The following PCDH15 variants were observed in gnomAD, a reference collection of about 807,000 sequenced individuals.
PCDH15 encodes protocadherin-15.
A neutral mutation model predicts 178.5 loss-of-function variants in PCDH15; 129 were observed. The ratio of observed to expected loss-of-function variants is 0.72; its 90% CI spans 0.63 to 0.84. The LOEUF (loss-of-function observed/expected upper bound fraction) is 0.84, where lower values mean the gene tolerates loss of function less well. Among genes scored for constraint, PCDH15 ranks in the 40% least tolerant of loss-of-function variants. The pLI is 0.00. For missense variants in PCDH15, 2,230 were observed against 2,099.9 expected (o/e 1.06, Z -1.21); for synonymous variants, 800 against 732.0 (o/e 1.09, Z -1.50).
At chr10:55,614,055 A>G (rs1274584497) in intron 2 of PCDH15, among the ~76,000 whole-genome samples, 2 of 151,816 alleles carry the variant, frequency 1.3e-5, no homozygotes, top group African/African-American at 2.4e-5. Context: ...CGGAGCTTGC[A>G]GTGAGCTGAG....
chr10:54,419,060 T>G (rs1954857105), intron 3 of PCDH15, among the ~76,000 whole-genome samples: 1 of 151,938 alleles, frequency 6.6e-6, no homozygotes, highest in African/African-American at 2.4e-5. Flanking sequence ...ATCTATTAAA[T>G]TAGAAAAGGT....
chr10:53,964,947 T>C (rs971168535), intron 21 of PCDH15, among the ~76,000 whole-genome samples: 2 of 152,156 alleles, frequency 1.3e-5, no homozygotes, highest in African/African-American at 4.8e-5. Context: ...ATAATGATAA[T>C]AACAAGAGTT....
intron 11 of PCDH15, among the ~76,000 whole-genome samples, chr10:54,191,503 A>G (rs967726396): frequency 6.6e-5 from 10 of 152,216 alleles, no homozygotes; most frequent in African/African-American, 2.4e-4. Context: ...GCCAAATGTT[A>G]TAGGTGAATT....
chr10:55,090,638 A>G (rs888361537), intron 2 of PCDH15, among the ~76,000 whole-genome samples: 2 of 152,076 alleles, frequency 1.3e-5, no homozygotes, highest in Non-Finnish European at 2.9e-5. Context: ...ACCTTATTCT[A>G]TCACCACATT....
intron 2 of PCDH15, among the ~76,000 whole-genome samples, chr10:55,465,366 A>G (rs181657330): frequency 7.4e-4 from 112 of 152,274 alleles, no homozygotes; most frequent in Middle Eastern, 3.4e-3. Context: ...CGTAAATTGC[A>G]CTGGGTGGTA....
chr10:54,357,680 C>T (rs999515746), intron 5 of PCDH15, among the ~76,000 whole-genome samples: 1 of 151,858 alleles, frequency 6.6e-6, no homozygotes, highest in African/African-American at 2.4e-5. Context: ...GTTCATATGA[C>T]ACCAAAAAAG....
chr10:55,366,933 G>GTGTGTGTA (rs1328803694), intron 2 of PCDH15, among the ~76,000 whole-genome samples: 9 of 151,862 alleles, frequency 5.9e-5, no homozygotes. Flanking sequence ...GTGTGTGTGT[G>GTGTGTGTA]TGTGTGTGTG....
At chr10:55,120,173 T>C (rs1837729886) in intron 2 of PCDH15, among the ~76,000 whole-genome samples, 1 of 152,032 alleles carries the variant, frequency 6.6e-6, no homozygotes, top group African/African-American at 2.4e-5. Flanking sequence ...TTAAACAAAA[T>C]TTAAATGAAT....
chr10:54,107,240 T>C (rs987606541), intron 15 of PCDH15, among the ~76,000 whole-genome samples: 13 of 152,362 alleles, frequency 8.5e-5, no homozygotes, highest in African/African-American at 3.1e-4. Flanking sequence ...TGATCCAAAG[T>C]ATGGCTTGAA....
intron 2 of PCDH15, among the ~76,000 whole-genome samples, chr10:55,392,967 G>T (rs1009233398): frequency 6.8e-6 from 1 of 147,166 alleles, no homozygotes; most frequent in African/African-American, 2.5e-5. Flanking sequence ...ATCAATCTAA[G>T]AACTAAAGTG....
At chr10:54,680,812 T>C (rs940355245) in intron 1 of PCDH15, among the ~76,000 whole-genome samples, 2 of 152,216 alleles carry the variant, frequency 1.3e-5, no homozygotes, top group South Asian at 2.1e-4. Context: ...GAACTGTGAG[T>C]CAATTAAACC....
intron 2 of PCDH15, among the ~76,000 whole-genome samples, chr10:54,628,381 C>A (rs1386226415): frequency 6.6e-6 from 1 of 152,158 alleles, no homozygotes; most frequent in Non-Finnish European, 1.5e-5. Context: ...TTCTCTTATT[C>A]TGGATTTTCA....
At chr10:54,859,877 A>AT (rs1953809628) in intron 3 of PCDH15, among the ~76,000 whole-genome samples, 3 of 151,824 alleles carry the variant, frequency 2.0e-5, no homozygotes, top group Admixed American at 1.3e-4. Flanking sequence ...AGATCTCAGG[A>AT]TTTTTTTCTG....
chr10:54,973,485 A>G (rs903106545), intron 2 of PCDH15, among the ~76,000 whole-genome samples: 1 of 152,326 alleles, frequency 6.6e-6, no homozygotes, highest in Middle Eastern at 3.4e-3. Context: ...TATTTTGTGC[A>G]GTTAGCTCTT....
At chr10:55,279,200 A>G (rs1842669009) in intron 1 of PCDH15, among the ~76,000 whole-genome samples, 1 of 152,118 alleles carries the variant, frequency 6.6e-6, no homozygotes, top group Non-Finnish European at 1.5e-5. Flanking sequence ...TGCAACTTAT[A>G]CTCTGAAAAT....
intron 19 of PCDH15, 96 bp downstream of exon 19, chr10:54,022,796 G>T (rs2092964565): frequency 8.5e-7 from 1 of 1,170,142 alleles, no homozygotes; most frequent in Non-Finnish European, 1.3e-6. Context: ...ATCCAACTTG[G>T]TATGTTGTAT....
At chr10:54,241,176 G>A (rs1244801042) in intron 8 of PCDH15, among the ~76,000 whole-genome samples, 1 of 152,092 alleles carries the variant, frequency 6.6e-6, no homozygotes, top group Admixed American at 6.5e-5. Flanking sequence ...GTTCCAAAAA[G>A]GAGATTGATT....
intron 2 of PCDH15, among the ~76,000 whole-genome samples, chr10:55,366,423 G>A (rs1159206896): frequency 6.6e-6 from 1 of 151,990 alleles, no homozygotes; most frequent in Non-Finnish European, 1.5e-5. Flanking sequence ...AATCCATAAT[G>A]AAACTATTAA....
chr10:54,503,205 C>T (rs1245921730), intron 3 of PCDH15, among the ~76,000 whole-genome samples: 1 of 141,436 alleles, frequency 7.1e-6, no homozygotes, highest in Non-Finnish European at 1.5e-5. Context: ...AGGCAAATCC[C>T]AGGCCAAATA....
Sources: allele counts gnomAD v4.1 joint callset (sites outside exome capture counted in the v4.1 genomes callset), GRCh38; gene constraint gnomAD v4.1.1; transcripts MANE v1.5; gene names NCBI Gene and HGNC (gene_info 2026-07-23, HGNC 2026-07-21).